The following POLH variants were observed in gnomAD, a reference collection of about 807,000 sequenced individuals.
The protein encoded by POLH is DNA polymerase eta, also known as DNA polymerase eta transcript.
A neutral mutation model predicts 73.6 loss-of-function variants in POLH; 53 were observed. The observed-to-expected ratio is 0.72, with a 90% CI of 0.58 to 0.91. The LOEUF (loss-of-function observed/expected upper bound fraction) is 0.91, where lower values mean the gene tolerates loss of function less well. POLH is among the 40% of genes least tolerant of loss of function. The probability of loss-of-function intolerance (pLI) is 0.00; values close to 1 mark genes in which losing one functional copy is unlikely to be tolerated. For missense variants in POLH, 768 were observed against 865.4 expected (o/e 0.89, Z 1.41); for synonymous variants, 292 against 308.5 (o/e 0.95, Z 0.56).
rs1389796484 is a variant in POLH at position 43,616,755 on chromosome 6, TTAA to T, written c.*2202_*2204del. 6.6e-6 allele frequency among the ~76,000 whole-genome samples: 1 copy of T among 152,206 alleles called. No homozygotes were observed. The highest frequency in any genetic ancestry group is 1.5e-5 in the Non-Finnish European group (1 of 68,036). ...AGGTCTTTCTGTACATAAAAGTGAC[TTAA>T]TAAACAGTGAATTTCATACAGGTAA... is the stretch of plus-strand genomic sequence containing the variant. On this transcript the variant is annotated 3_prime_UTR_variant, in exon 11 of 11. Coordinates refer to ENST00000372236, the MANE Select transcript of POLH (RefSeq NM_006502.3).
At position 43,614,540 on chromosome 6, in the gene POLH, A is replaced by G; in HGVS notation, c.2125A>G (p.Lys709Glu). 1.2e-6 allele frequency: 2 copies of G among 1,613,848 alleles called. No individual in the cohort carries two copies. The highest frequency in any genetic ancestry group is 2.7e-5 in the African/African-American group (2 of 75,066). ...CATGCAAACATTGGAATCATTTTTT[A>G]AGCCATTAACACATTAGTGCTGCCC... is the stretch of plus-strand genomic sequence containing the variant. ...EGMQTLESFF[K>E]PLTH is the part of the protein sequence containing the mutation. The change falls in exon 11 of 11, where the codon AAG (lysine) becomes GAG (glutamate). Residue 709 changes from lysine (K) to glutamate (E), a missense_variant. Coordinates refer to ENST00000372236, the MANE Select transcript of POLH (RefSeq NM_006502.3).
chr6:43,584,765 C>G (rs1764620395), intron 3 of POLH, among the ~76,000 whole-genome samples: 1 of 152,146 alleles, frequency 6.6e-6, no homozygotes, highest in African/African-American at 2.4e-5. Context: ...GCAACCCCCT[C>G]TTTGGATTTG....
chr6:43,612,800 ATTT>A (rs973070635), intron 10 of POLH, among the ~76,000 whole-genome samples: 6 of 134,012 alleles, frequency 4.5e-5, no homozygotes, highest in Admixed American at 1.5e-4. Flanking sequence ...AAAATTTCTG[ATTT>A]TTTTTTTTTT....
At chr6:43,606,012 C>A (rs934755752) in intron 9 of POLH, among the ~76,000 whole-genome samples, 2 of 152,162 alleles carry the variant, frequency 1.3e-5, no homozygotes, top group Non-Finnish European at 1.5e-5. Context: ...ACATAAGCCA[C>A]CACGCCCAGC....
At chr6:43,587,549 C>A in intron 4 of POLH, 60 bp downstream of exon 4, 1 of 1,118,186 alleles carries the variant, frequency 8.9e-7, no homozygotes, top group South Asian at 1.3e-5. Flanking sequence ...TTTGCTTGGT[C>A]ATGCTGATTC....
At position 43,614,411 on chromosome 6, in the gene POLH, C is replaced by T; in HGVS notation, c.1996C>T (p.Pro666Ser). The T allele has an allele frequency of 1.2e-6, 2 of 1,614,118 alleles. No individual in the cohort carries two copies. Among genetic ancestry groups the T allele is most frequent in the Non-Finnish European group, 1.7e-6 (2 of 1,180,004 alleles). Residue 666 changes from proline to serine, a missense_variant, in exon 11 of 11, where the codon CCC (proline) becomes TCC (serine). Pro to Ser is a moderately conservative substitution (Grantham distance 74). Transcript: ENST00000372236. ...ALELQKSFLQ[P>S]HSSNPQVVSA... ...GGAGTTGCAGAAATCCTTTTTGCAG[C>T]CCCACTCTTCAAACCCCCAGGTTGT... is the stretch of plus-strand genomic sequence containing the variant.
chr6:43,600,901 G>C, intron 5 of POLH, 87 bp from the exon 6 acceptor site: 2 of 827,884 alleles, frequency 2.4e-6, no homozygotes, highest in Admixed American at 1.7e-5. Context: ...ATTAAGCTCT[G>C]TGTGTGTGTA....
At chr6:43,587,138 T>G in intron 3 of POLH, 134 bp from the exon 4 acceptor site, 1 of 767,846 alleles carries the variant, frequency 1.3e-6, no homozygotes, top group South Asian at 1.4e-5. Context: ...CAGTTACTAT[T>G]GTCTAGTCTC....
chr6:43,619,511 G>A lies in POLH; in HGVS notation c.*4954G>A, dbSNP rs1768575350. Among the ~76,000 whole-genome samples, 1 of 151,408 alleles carries A rather than the reference G, an allele frequency of 6.6e-6. No individual in the cohort carries two copies. The highest frequency in any genetic ancestry group is 2.4e-5 in the African/African-American group (1 of 41,296). ...AGGTGCTGATACTCATTGGATGAATGTATATAGTGAAGAATTTTAGATCTG... is the reference window on the plus strand; with the variant it reads ...AGGTGCTGATACTCATTGGATGAATATATATAGTGAAGAATTTTAGATCTG... On this transcript the variant is annotated 3_prime_UTR_variant, in exon 11 of 11. Coordinates refer to ENST00000372236, the MANE Select transcript of POLH (RefSeq NM_006502.3).
In POLH at chr6:43,610,578, G is replaced by T. The variant is rs1282385263; in HGVS notation, c.1099G>T (p.Val367Phe). 2.5e-6 allele frequency: 4 copies of T among 1,614,044 alleles called. No homozygotes were observed. Among genetic ancestry groups the T allele is most frequent in the Non-Finnish European group, 3.4e-6 (4 of 1,179,994 alleles). ...NDNDRVATQL[V>F]VSIRVQGDKR... ...GAATGACAGGGTAGCCACCCAGCTG[G>T]TTGTGAGCATTCGTGTACAAGGAGA... Residue 367 changes from valine to phenylalanine, a missense_variant, in exon 10 of 11, where the codon GTT becomes TTT. Physicochemically the swap from Val to Phe is conservative, Grantham distance 50. Coordinates refer to ENST00000372236, the MANE Select transcript of POLH (RefSeq NM_006502.3).
In POLH at chr6:43,614,017, GAAAAGTCT is replaced by G; in HGVS notation, c.1603_1610del (p.Lys535AlafsTer8). ...CAGGAACTGAGCCCTTCTTTAAGCAGAAAAGTCTGCTTCTAAAGCAGAAACAGCTTAAT... is the reference window on the plus strand; with the variant it reads ...CAGGAACTGAGCCCTTCTTTAAGCAGGCTTCTAAAGCAGAAACAGCTTAAT... On this transcript the variant is annotated frameshift_variant, in exon 11 of 11. Transcript: ENST00000372236. LOFTEE classifies it high-confidence loss of function. 1 of 1,614,154 alleles carries G rather than the reference GAAAAGTCT, an allele frequency of 6.2e-7. No homozygotes were observed. The highest frequency in any genetic ancestry group is 8.5e-7 in the Non-Finnish European group (1 of 1,180,050).
chr6:43,614,245 CA>C lies in POLH; in HGVS notation c.1833del (p.Lys611AsnfsTer6), dbSNP rs1348870958. ...AAAGCATGCACGCCTCTTCAGCTTC[CA>C]AATCTGTGCTGGAGGTGACTCAGAA... ...SQSMHASSAS[K>X]SVLEVTQKAT... On this transcript the variant is annotated frameshift_variant, in exon 11 of 11. Transcript: ENST00000372236. LOFTEE classifies it high-confidence loss of function. 1.2e-6 allele frequency: 2 copies of C among 1,606,294 alleles called. No individual in the cohort carries two copies.
chr6:43,614,288 A>C lies in POLH; in HGVS notation c.1873A>C (p.Ser625Arg). ...GACTCAGAAAGCAACCCCAAATCCAAGTCTTCTAGCTGCTGAGGACCAAGT... is the reference window on the plus strand; with the variant it reads ...GACTCAGAAAGCAACCCCAAATCCACGTCTTCTAGCTGCTGAGGACCAAGT... Reference protein sequence around the residue: ...EVTQKATPNPSLLAAEDQVPC... With the variant: ...EVTQKATPNPRLLAAEDQVPC... The change falls in exon 11 of 11, where the codon AGT becomes CGT. Residue 625 changes from serine to arginine, a missense_variant. Coordinates refer to ENST00000372236, the MANE Select transcript of POLH (RefSeq NM_006502.3). 6.3e-7 allele frequency: 1 copy of C among 1,598,656 alleles called. No individual in the cohort carries two copies. Among genetic ancestry groups the C allele is most frequent in the East Asian group, 2.2e-5 (1 of 44,644 alleles).
At chr6:43,598,433 C>T (rs1027326357) in intron 5 of POLH, among the ~76,000 whole-genome samples, 1 of 151,310 alleles carries the variant, frequency 6.6e-6, no homozygotes, top group Non-Finnish European at 1.5e-5. Flanking sequence ...TCGAGACCAG[C>T]CTGACCAATA....
chr6:43,579,671 A>C (rs1332876184), intron 1 of POLH, among the ~76,000 whole-genome samples: 1 of 152,212 alleles, frequency 6.6e-6, no homozygotes, highest in Non-Finnish European at 1.5e-5. Context: ...CAGGTAAAAC[A>C]ACCTGTGGCT....
At chr6:43,576,764 T>A (rs1181653349) in intron 1 of POLH, among the ~76,000 whole-genome samples, 1 of 152,236 alleles carries the variant, frequency 6.6e-6, no homozygotes, top group Non-Finnish European at 1.5e-5. Context: ...TTGTGCAGTT[T>A]TGATAATTGG....
In POLH at chr6:43,597,710, C is replaced by T. The variant is rs1582297122; in HGVS notation, c.505C>T (p.Gln169Ter). 1.2e-6 allele frequency: 2 copies of T among 1,613,866 alleles called. No homozygotes were observed. The highest frequency in any genetic ancestry group is 1.7e-6 in the Non-Finnish European group (2 of 1,179,820). Residue 169 changes from glutamine to a stop codon, truncating the protein, a stop_gained, in exon 5 of 11, where the codon CAA (glutamine) becomes TAA (stop). Coordinates refer to ENST00000372236, the MANE Select transcript of POLH (RefSeq NM_006502.3). LOFTEE classifies it high-confidence loss of function. Reference protein sequence around the residue: ...ETVQKEGMRKQGLFQWLDSLQ... With the variant: ...ETVQKEGMRK ...ATTCATTTCAGAGGGGATGCGAAAA[C>T]AAGGCTTATTTCAATGGCTCGATTC...
In POLH at chr6:43,610,789, A is replaced by G; in HGVS notation, c.1244+66A>G. On this transcript the variant is annotated intron_variant, in intron 10 of 10. Transcript: ENST00000372236. Reference sequence around the variant, plus strand: ...ATTCTTAGCTCTGTCTTAGCTCTACAAGACATAATTTTTATCATAAAGTTC... The same window carrying G: ...ATTCTTAGCTCTGTCTTAGCTCTACGAGACATAATTTTTATCATAAAGTTC... The G allele has an allele frequency of 3.0e-6, 4 of 1,350,200 alleles. No individual in the cohort carries two copies. The African/African-American group carries it at 4.3e-5, about 15-fold the overall frequency. 83.6% of individuals were successfully genotyped at this position (1,350,200 alleles called of 1,614,324 possible).
At chr6:43,592,642 C>A (rs1021766956) in intron 4 of POLH, among the ~76,000 whole-genome samples, 1 of 152,096 alleles carries the variant, frequency 6.6e-6, no homozygotes, top group Non-Finnish European at 1.5e-5. Flanking sequence ...GTCTCGATCT[C>A]CTGACCTCGT....
Sources: gnomAD v4.1 joint callset for allele counts (sites outside exome capture counted in the v4.1 genomes callset) on GRCh38, gnomAD v4.1.1 for gene constraint, MANE v1.5 for transcripts, NCBI Gene and HGNC (gene_info 2026-07-23, HGNC 2026-07-21) for gene names.